Variants in GSE1 observed in about 807,000 individuals in gnomAD.
GSE1 encodes the protein Gse1 coiled-coil protein.
A neutral mutation model predicts 112.6 loss-of-function variants in GSE1; 32 were observed. The ratio of observed to expected loss-of-function variants is 0.28; its 90% confidence interval spans 0.21 to 0.38. The LOEUF is 0.38. GSE1 is among the 10% of genes least tolerant of loss of function. The pLI, the probability that GSE1 is intolerant of heterozygous loss-of-function variation, is 1.00. For missense variants in GSE1, 2,348 were observed against 1,699.2 expected, an observed-to-expected ratio of 1.38 and a Z score of -6.71; for synonymous variants, 1,115 against 735.6, an observed-to-expected ratio of 1.52 and a Z score of -8.35.
chr16:85,235,570 TG>T (rs1327382252), intron 1 of GSE1, among the ~76,000 whole-genome samples: 10 of 24,316 alleles, frequency 4.1e-4, no homozygotes, highest in Non-Finnish European at 7.8e-4. Flanking sequence ...TATGTGTGTG[TG>T]TGGGTGGGGG....
At chr16:85,663,305 C>T (rs1379741561) in intron 10 of GSE1, 39 bp from the exon 11 acceptor site, 3 of 1,608,104 alleles carry the variant, frequency 1.9e-6, no homozygotes, top group African/African-American at 2.7e-5. Context: ...ATACCACTGC[C>T]AGTGGCTTCA....
intron 2 of GSE1, among the ~76,000 whole-genome samples, chr16:85,480,124 A>G (rs2151868573): frequency 6.6e-6 from 1 of 152,318 alleles, no homozygotes; most frequent in South Asian, 2.1e-4. Flanking sequence ...CATTTACTAG[A>G]TGATGAAACT....
intron 1 of GSE1, among the ~76,000 whole-genome samples, chr16:85,633,063 G>A (rs2049682618): frequency 1.3e-5 from 2 of 152,190 alleles, no homozygotes; most frequent in Admixed American, 1.3e-4. Context: ...CAGGTCAGCC[G>A]TTGCTGCGCC....
At chr16:85,620,503 C>T (rs568733177) in intron 1 of GSE1, among the ~76,000 whole-genome samples, 52 of 152,248 alleles carry the variant, frequency 3.4e-4, no homozygotes, top group Non-Finnish European at 6.5e-4. Flanking sequence ...AAGTGGAATG[C>T]GGTTCAAGCA....
chr16:85,563,440 C>G (rs1423813769), intron 1 of GSE1, among the ~76,000 whole-genome samples: 1 of 152,194 alleles, frequency 6.6e-6, no homozygotes, highest in African/African-American at 2.4e-5. Context: ...GGGGTTGGCG[C>G]TGGTCGTTAC....
At chr16:85,250,732 T>C (rs1906378355) in intron 1 of GSE1, among the ~76,000 whole-genome samples, 1 of 152,156 alleles carries the variant, frequency 6.6e-6, no homozygotes, top group Non-Finnish European at 1.5e-5. Context: ...GTTTTGAGGA[T>C]ATTCACAGAG....
At chr16:85,478,917 TTCTTTCTTTCTCTTTC>T (rs1567520806) in intron 2 of GSE1, among the ~76,000 whole-genome samples, 1 of 60,034 alleles carries the variant, frequency 1.7e-5, no homozygotes, top group Admixed American at 1.8e-4. Flanking sequence ...CTTTCTTTCT[TTCTTTCTTTCTCTTTC>T]TTTCTTTCTT....
At chr16:85,669,737 C>G (rs571664844) in intron 14 of GSE1, among the ~76,000 whole-genome samples, 4 of 152,282 alleles carry the variant, frequency 2.6e-5, no homozygotes, top group African/African-American at 9.6e-5. Flanking sequence ...GTGAGTTTGG[C>G]TTTTTCCTGT....
chr16:85,216,653 T>A (rs2075310887), intron 1 of GSE1, among the ~76,000 whole-genome samples: 1 of 152,170 alleles, frequency 6.6e-6, no homozygotes, highest in Non-Finnish European at 1.5e-5. Flanking sequence ...ACAGGGAGGT[T>A]AAGCTGTTTT....
intron 1 of GSE1, among the ~76,000 whole-genome samples, chr16:85,344,312 G>T (rs906257420): frequency 6.6e-6 from 1 of 152,144 alleles, no homozygotes; most frequent in Non-Finnish European, 1.5e-5. Context: ...GGGACTCCTA[G>T]GCAGTTGGCA....
chr16:85,200,984 A>T (rs938322865), intron 1 of GSE1, among the ~76,000 whole-genome samples: 8 of 152,148 alleles, frequency 5.3e-5, no homozygotes, highest in African/African-American at 1.9e-4. Flanking sequence ...AGCCTGGAGC[A>T]GGGCAGTGTC....
intron 2 of GSE1, among the ~76,000 whole-genome samples, chr16:85,449,036 C>T (rs920478729): frequency 2.0e-5 from 3 of 152,184 alleles, no homozygotes; most frequent in African/African-American, 7.2e-5. Flanking sequence ...TTGACTCTGT[C>T]AAAGGCAGGT....
chr16:85,347,547 C>A (rs889902680), intron 1 of GSE1, among the ~76,000 whole-genome samples: 3 of 152,204 alleles, frequency 2.0e-5, no homozygotes, highest in East Asian at 1.9e-4. Flanking sequence ...GGATGGATCC[C>A]CGCTTTCTAG....
chr16:85,533,499 C>G (rs1487381908), intron 2 of GSE1, among the ~76,000 whole-genome samples: 1 of 151,994 alleles, frequency 6.6e-6, no homozygotes, highest in Admixed American at 6.6e-5. Context: ...ACATGTAGTA[C>G]CTAAAAATGA....
chr16:85,228,818 T>A (rs1341906700), intron 1 of GSE1, among the ~76,000 whole-genome samples: 1 of 152,208 alleles, frequency 6.6e-6, no homozygotes, highest in African/African-American at 2.4e-5. Context: ...AAGGAAATTG[T>A]GCAGCAAGAT....
intron 2 of GSE1, among the ~76,000 whole-genome samples, chr16:85,639,852 G>C (rs371891447): frequency 6.6e-6 from 1 of 152,244 alleles, no homozygotes; most frequent in African/African-American, 2.4e-5. Context: ...GCCTCCCGCA[G>C]GGACGCAGCG....
chr16:85,225,386 G>C (rs115175273), intron 1 of GSE1, among the ~76,000 whole-genome samples: 1,699 of 152,306 alleles, frequency 0.011, 30 homozygotes, highest in African/African-American at 0.039. Context: ...AGGAGGGAAC[G>C]GGTGTGGGGC....
At chr16:85,648,972 G>A (rs2051110254) in intron 3 of GSE1, among the ~76,000 whole-genome samples, 1 of 152,154 alleles carries the variant, frequency 6.6e-6, no homozygotes, top group Non-Finnish European at 1.5e-5. Context: ...CAGTCTGTCA[G>A]AAGAAACCAC....
At chr16:85,457,566 G>C (rs768248254) in intron 2 of GSE1, among the ~76,000 whole-genome samples, 24 of 152,350 alleles carry the variant, frequency 1.6e-4, no homozygotes, top group Middle Eastern at 3.4e-3. Context: ...GGCATGCAGA[G>C]AGCAGGGCAA....
Sources: allele counts gnomAD v4.1 joint callset (sites outside exome capture counted in the v4.1 genomes callset), GRCh38; gene constraint gnomAD v4.1.1; transcripts MANE v1.5; gene names NCBI Gene and HGNC (gene_info 2026-07-23, HGNC 2026-07-21).